PDSS2: variants seen among roughly 807,000 people sequenced by gnomAD.
PDSS2 encodes decaprenyl diphosphate synthase subunit 2.
PDSS2 carries 31 observed loss-of-function variants against 44.5 expected under a neutral mutation model. The ratio of observed to expected loss-of-function variants is 0.70; its 90% CI spans 0.52 to 0.94. PDSS2 has a LOEUF of 0.94. Ranked by LOEUF, PDSS2 falls within the 40% of genes least tolerant of loss-of-function variation. The pLI is 0.00. For synonymous variants in PDSS2, 157 were observed against 180.3 expected, an observed-to-expected ratio of 0.87 and a Z score of 1.03; for missense variants, 452 against 482.2, an observed-to-expected ratio of 0.94 and a Z score of 0.59.
chr6:107,160,983 C>T (rs528490712), intron 7 of PDSS2, among the ~76,000 whole-genome samples: 2 of 151,434 alleles, frequency 1.3e-5, no homozygotes, highest in African/African-American at 4.8e-5. Context: ...GGTGATCTGC[C>T]CACCTCGGCC....
At chr6:107,197,265 G>C (rs1772595881) in intron 6 of PDSS2, among the ~76,000 whole-genome samples, 1 of 151,196 alleles carries the variant, frequency 6.6e-6, no homozygotes, top group Non-Finnish European at 1.5e-5. Context: ...GTGGGGTAAG[G>C]GGGGGGTGCA....
intron 1 of PDSS2, among the ~76,000 whole-genome samples, chr6:107,429,901 A>AAAAAAAAATATATATATATATATATATAT (rs1166637352): frequency 3.1e-5 from 1 of 31,858 alleles, no homozygotes; most frequent in Non-Finnish European, 5.3e-5. Flanking sequence ...AAAAAAAAAA[A>AAAAAAAAATATATATATATATATATATAT]ATATATATAT....
At chr6:107,452,548 T>A (rs1377100211) in intron 1 of PDSS2, among the ~76,000 whole-genome samples, 1 of 151,574 alleles carries the variant, frequency 6.6e-6, no homozygotes, top group Non-Finnish European at 1.5e-5. Context: ...GTTCAGAGAT[T>A]TCTTTACATA....
rs149612267 is a variant in PDSS2, at chr6:107,168,837, G to T, written c.1042-14060C>A. ...TCTCCTGGCTTGTAGGGTTTCTGCC[G>T]AGAGATCCGCTGTTAGTCTGATGGG... On this transcript the variant is annotated intron_variant, in intron 7 of 7. Coordinates refer to ENST00000369037, the MANE Select transcript of PDSS2 (RefSeq NM_020381.4). Among the ~76,000 whole-genome samples, 983 of 152,212 alleles carry T rather than the reference G, an allele frequency of 6.5e-3. 13 individuals are homozygous for T. The highest frequency in any genetic ancestry group is 0.023 in the African/African-American group (940 of 41,528).
At chr6:107,371,394 T>TC (rs949991546) in intron 1 of PDSS2, among the ~76,000 whole-genome samples, 7 of 152,040 alleles carry the variant, frequency 4.6e-5, no homozygotes, top group Admixed American at 4.6e-4. Flanking sequence ...TCATTCTAAC[T>TC]CCCATATAAG....
chr6:107,450,131 C>A (rs892449109), intron 1 of PDSS2, among the ~76,000 whole-genome samples: 1 of 152,158 alleles, frequency 6.6e-6, no homozygotes, highest in African/African-American at 2.4e-5. Context: ...TTTTTTCACT[C>A]AGAATAATTC....
At chr6:107,165,419 G>A (rs1554247345) in intron 7 of PDSS2, among the ~76,000 whole-genome samples, 1 of 152,156 alleles carries the variant, frequency 6.6e-6, no homozygotes, top group African/African-American at 2.4e-5. Flanking sequence ...TATTAAATAG[G>A]GAATCCTTTA....
intron 4 of PDSS2, among the ~76,000 whole-genome samples, chr6:107,234,319 C>T (rs1774154507): frequency 6.6e-6 from 1 of 152,004 alleles, no homozygotes; most frequent in African/African-American, 2.4e-5. Flanking sequence ...GATTCTCCTG[C>T]CTCAGCCTCC....
intron 3 of PDSS2, among the ~76,000 whole-genome samples, chr6:107,265,490 T>C (rs1775384015): frequency 1.3e-5 from 2 of 152,154 alleles, no homozygotes; most frequent in Non-Finnish European, 1.5e-5. Flanking sequence ...AACAGTGACA[T>C]ATTATAAACA....
At chr6:107,368,368 A>G (rs1779026673) in intron 1 of PDSS2, among the ~76,000 whole-genome samples, 1 of 152,178 alleles carries the variant, frequency 6.6e-6, no homozygotes, top group African/African-American at 2.4e-5. Flanking sequence ...TCAGGAATAA[A>G]CTTAAAAGAA....
intron 1 of PDSS2, among the ~76,000 whole-genome samples, chr6:107,359,918 C>A (rs1682024749): frequency 6.6e-6 from 1 of 152,140 alleles, no homozygotes; most frequent in Admixed American, 6.5e-5. Flanking sequence ...TACATCCTTT[C>A]CTATTCTTTC....
intron 3 of PDSS2, among the ~76,000 whole-genome samples, chr6:107,254,464 G>A (rs944201640): frequency 1.3e-5 from 2 of 152,188 alleles, no homozygotes; most frequent in African/African-American, 4.8e-5. Context: ...ATAAATAGTT[G>A]CTGAGAATTG....
intron 7 of PDSS2, among the ~76,000 whole-genome samples, chr6:107,169,485 G>A (rs1286718076): frequency 1.3e-5 from 2 of 152,172 alleles, no homozygotes; most frequent in African/African-American, 4.8e-5. Context: ...ACTCGTCAAA[G>A]TCATTCTCCA....
chr6:107,335,704 G>T (rs1033514463), intron 1 of PDSS2, among the ~76,000 whole-genome samples: 11 of 151,924 alleles, frequency 7.2e-5, no homozygotes, highest in African/African-American at 2.7e-4. Flanking sequence ...AGAACTAAAT[G>T]GCATTGTTTT....
At chr6:107,438,023 T>C (rs1781407240) in intron 1 of PDSS2, among the ~76,000 whole-genome samples, 1 of 152,010 alleles carries the variant, frequency 6.6e-6, no homozygotes, top group South Asian at 2.1e-4. Context: ...CAGGGAAAGG[T>C]CGCATCCAGG....
At chr6:107,291,550 A>AT (rs1164126869) in intron 2 of PDSS2, among the ~76,000 whole-genome samples, 3 of 85,874 alleles carry the variant, frequency 3.5e-5, no homozygotes, top group East Asian at 6.2e-4. Flanking sequence ...TTAAGTAGAG[A>AT]CGGGGGGGTC....
chr6:107,342,879 C>A (rs1347058958), intron 1 of PDSS2, among the ~76,000 whole-genome samples: 2 of 152,180 alleles, frequency 1.3e-5, no homozygotes, highest in Non-Finnish European at 2.9e-5. Flanking sequence ...TCAAAATACC[C>A]CAAAGTAAAA....
At chr6:107,181,889 C>CAAAAAAAAAA (rs35752637) in intron 7 of PDSS2, among the ~76,000 whole-genome samples, 1 of 111,370 alleles carries the variant, frequency 9.0e-6, no homozygotes. Context: ...GACTCTGTCT[C>CAAAAAAAAAA]AAAAAAAAAA....
At chr6:107,408,293 T>C (rs1780386245) in intron 1 of PDSS2, among the ~76,000 whole-genome samples, 3 of 151,744 alleles carry the variant, frequency 2.0e-5, no homozygotes, top group Non-Finnish European at 2.9e-5. Context: ...GATTACAGGC[T>C]TGAGCCACCA....
Sources: gnomAD v4.1 joint callset for allele counts (sites outside exome capture counted in the v4.1 genomes callset) on GRCh38, gnomAD v4.1.1 for gene constraint, MANE v1.5 for transcripts, NCBI Gene and HGNC (gene_info 2026-07-23, HGNC 2026-07-21) for gene names.